NPHP1: variants seen among roughly 807,000 people sequenced by gnomAD.
NPHP1 encodes nephrocystin 1.
Under a neutral mutation model 90.4 loss-of-function variants are expected in NPHP1, and 70 were observed. The observed-to-expected ratio is 0.77, with a 90% CI of 0.64 to 0.95. The LOEUF (loss-of-function observed/expected upper bound fraction) is 0.95. Ranked by LOEUF, NPHP1 falls within the 40% of genes least tolerant of loss-of-function variation. The probability of loss-of-function intolerance (pLI) is 0.00; values close to 1 mark genes in which losing one functional copy is unlikely to be tolerated. For synonymous variants in NPHP1, 256 were observed against 271.7 expected, an observed-to-expected ratio of 0.94 and a Z score of 0.57; for missense variants, 764 against 795.9, an observed-to-expected ratio of 0.96 and a Z score of 0.48.
chr2:110,155,425 A>G (rs1681818271), intron 11 of NPHP1, among the ~76,000 whole-genome samples: 1 of 152,174 alleles, frequency 6.6e-6, no homozygotes, highest in Admixed American at 6.5e-5. Flanking sequence ...GAGGGCCACC[A>G]TCTTCCAGAC....
Position 110,123,526 on chromosome 2 carries a change from C to G in NPHP1, c.*265G>C, listed in dbSNP as rs2104407520. The G allele has an allele frequency of 3.2e-5, 11 of 344,352 alleles. No individual in the cohort carries two copies. The South Asian group carries it at 5.0e-4, about 16-fold the overall frequency. 21.3% of individuals were successfully genotyped at this position (344,352 alleles called of 1,614,324 possible). ...AATCTTGCTTTTATAGAAATCTATA[C>G]CATTAACTTAAGTAGCTGTTTTTGA... On this transcript the variant is annotated 3_prime_UTR_variant, in exon 20 of 20. Coordinates refer to ENST00000445609, the MANE Select transcript of NPHP1 (RefSeq NM_001128178.3).
chr2:110,193,073 C>T lies in NPHP1; in HGVS notation c.143+8348G>A, dbSNP rs1174255556. ...AAACATGCCAGATTGTGAAGACCATCGAGGCTAGGAAGAAACTGCATCAAC... is the reference window on the plus strand; with the variant it reads ...AAACATGCCAGATTGTGAAGACCATTGAGGCTAGGAAGAAACTGCATCAAC... On this transcript the variant is annotated intron_variant, in intron 2 of 19. Transcript: ENST00000445609. Among the ~76,000 whole-genome samples, 8 of 152,266 alleles carry T rather than the reference C, an allele frequency of 5.3e-5. No individual in the cohort carries two copies. In the South Asian group the frequency reaches 8.3e-4, roughly 16 times the overall value.
Position 110,192,715 on chromosome 2 carries a change from G to C in NPHP1, c.143+8706C>G, listed in dbSNP as rs1019133520. Among the ~76,000 whole-genome samples the C allele has an allele frequency of 3.9e-5, 6 of 152,140 alleles. No homozygotes were observed. The South Asian group carries it at 6.2e-4, about 16-fold the overall frequency. On this transcript the variant is annotated intron_variant, in intron 2 of 19. Coordinates refer to ENST00000445609, the MANE Select transcript of NPHP1 (RefSeq NM_001128178.3). ...CAAGACACATAATTGTCAGATTCACGAAAGTTGAAATGAAGGAAAAAATGT... is the reference window on the plus strand; with the variant it reads ...CAAGACACATAATTGTCAGATTCACCAAAGTTGAAATGAAGGAAAAAATGT...
chr2:110,139,024 A>G (rs1018988266), intron 16 of NPHP1, among the ~76,000 whole-genome samples: 10 of 152,110 alleles, frequency 6.6e-5, no homozygotes, highest in African/African-American at 2.4e-4. Context: ...GTAAAAATAT[A>G]CTTCCTCCTG....
rs779382304 is a variant in NPHP1 at position 110,161,628 on chromosome 2, A to C, written c.929T>G (p.Leu310Arg). 1 of 1,611,684 alleles carries C rather than the reference A, an allele frequency of 6.2e-7. No homozygotes were observed. Among genetic ancestry groups the C allele is most frequent in the East Asian group, 2.2e-5 (1 of 44,840 alleles). The change falls in exon 10 of 20, where the codon CTG becomes CGG. Residue 310 changes from leucine to arginine, a missense_variant. Physicochemically the swap from Leu to Arg is moderately radical, Grantham distance 102. Transcript: ENST00000445609. Reference sequence around the variant, plus strand: ...AGTGCCTTCTGTAGCATCCCACATCAGATCTCTGAAGGCCAGTTGTGAAGG... The same window carrying C: ...AGTGCCTTCTGTAGCATCCCACATCCGATCTCTGAAGGCCAGTTGTGAAGG... ...LMPSQLAFRDLMWDATEGTIR... is the reference protein window; with the variant it reads ...LMPSQLAFRDRMWDATEGTIR...
intron 2 of NPHP1, among the ~76,000 whole-genome samples, chr2:110,196,885 T>C (rs1685206055): frequency 1.3e-5 from 2 of 152,146 alleles, no homozygotes; most frequent in South Asian, 2.1e-4. Flanking sequence ...ACCATCATAC[T>C]GAGCAAATTA....
chr2:110,148,015 G>A lies in NPHP1; in HGVS notation c.1170C>T (p.Ile390=). The change falls in exon 13 of 20, where the codon ATC becomes ATT. Residue 390 remains isoleucine, a synonymous_variant. Transcript: ENST00000445609. The stretch of plus-strand genomic sequence containing the variant: ...AATCACCATCAAGCAAACATGGTAA[G>A]ATGCGAGTAACCTGAAATGATAAAG... ...TWTFSPQVTR[I]LPCLLDGDCF... is the part of the protein sequence containing the mutation. The A allele has an allele frequency of 6.3e-7, 1 of 1,595,030 alleles. No individual in the cohort carries two copies. Among genetic ancestry groups the A allele is most frequent in the Non-Finnish European group, 8.6e-7 (1 of 1,162,514 alleles).
chr2:110,181,908 G>A (rs1394824698), intron 2 of NPHP1, among the ~76,000 whole-genome samples: 1 of 152,166 alleles, frequency 6.6e-6, no homozygotes, highest in Non-Finnish European at 1.5e-5. Context: ...CAATACAGGA[G>A]CTGATAGCCA....
At chr2:110,179,501 C>G (rs1206686281) in intron 3 of NPHP1, 123 bp downstream of exon 3, 1 of 603,426 alleles carries the variant, frequency 1.7e-6, no homozygotes, top group Non-Finnish European at 3.1e-6. Context: ...CCAGCACTGG[C>G]TGCAGTTAGA....
In NPHP1 at chr2:110,157,138, G is replaced by A. The variant is rs375177059; in HGVS notation, c.1083+2989C>T. ...AGAAGCACTCTTACATAAACAGCACGAGTATCTGTGCAGCTATTAAATATG... is the reference window on the plus strand; with the variant it reads ...AGAAGCACTCTTACATAAACAGCACAAGTATCTGTGCAGCTATTAAATATG... On this transcript the variant is annotated intron_variant, in intron 11 of 19. Coordinates refer to ENST00000445609, the MANE Select transcript of NPHP1 (RefSeq NM_001128178.3). 2.6e-5 allele frequency among the ~76,000 whole-genome samples: 4 copies of A among 152,236 alleles called. No homozygotes were observed. In the East Asian group the frequency reaches 5.8e-4, roughly 22 times the overall value.
chr2:110,188,150 TG>T (rs774202095), intron 2 of NPHP1, among the ~76,000 whole-genome samples: 53 of 152,146 alleles, frequency 3.5e-4, no homozygotes, highest in Admixed American at 7.9e-4. Context: ...AATGCAGTGT[TG>T]GAAGTTCTGG....
At chr2:110,170,051 C>T in intron 4 of NPHP1, 53 bp from the exon 5 acceptor site, 1 of 1,608,548 alleles carries the variant, frequency 6.2e-7, no homozygotes, top group East Asian at 2.2e-5. Flanking sequence ...CAAGAACAGA[C>T]CAGCTATGAG....
intron 4 of NPHP1, among the ~76,000 whole-genome samples, chr2:110,172,744 A>G (rs540919607): frequency 7.9e-5 from 12 of 152,220 alleles, no homozygotes; most frequent in South Asian, 2.1e-4. Context: ...AGATTGCACC[A>G]CTATACCCAG....
chr2:110,145,947 C>A (rs2104489049), intron 14 of NPHP1, among the ~76,000 whole-genome samples: 1 of 152,288 alleles, frequency 6.6e-6, no homozygotes, highest in East Asian at 1.9e-4. Flanking sequence ...ACATAAGGCG[C>A]ATTATCTAAA....
At chr2:110,146,347 T>G (rs1681046013) in intron 14 of NPHP1, among the ~76,000 whole-genome samples, 1 of 152,104 alleles carries the variant, frequency 6.6e-6, no homozygotes. Context: ...TTTACCGTGG[T>G]TGCCACTGTG....
intron 2 of NPHP1, among the ~76,000 whole-genome samples, chr2:110,192,977 G>A (rs1000242739): frequency 6.6e-6 from 1 of 152,066 alleles, no homozygotes; most frequent in Non-Finnish European, 1.5e-5. Context: ...GTCACCACCA[G>A]GCCTGCCCTA....
Position 110,180,045 on chromosome 2 carries a change from G to T in NPHP1, c.144-361C>A, listed in dbSNP as rs200187798. 2.0e-5 allele frequency among the ~76,000 whole-genome samples: 3 copies of T among 152,284 alleles called. No individual in the cohort carries two copies. The East Asian group carries it at 5.8e-4, about 29-fold the overall frequency. ...CTGATAATAGTACCTAAAGTTTACT[G>T]TGTGCCAACCATGTTAAGCAGTTTA... On this transcript the variant is annotated intron_variant, in intron 2 of 19. Coordinates refer to ENST00000445609, the MANE Select transcript of NPHP1 (RefSeq NM_001128178.3).
At chr2:110,134,621 AAAAAGCTTGTACACCAT>A (rs1440436000) in intron 16 of NPHP1, among the ~76,000 whole-genome samples, 2 of 152,110 alleles carry the variant, frequency 1.3e-5, no homozygotes, top group African/African-American at 2.4e-5. Context: ...ACAGCACATT[AAAAAGCTTGTACACCAT>A]GACCAAGTCA....
intron 11 of NPHP1, among the ~76,000 whole-genome samples, chr2:110,154,378 T>C (rs1218997059): frequency 6.6e-6 from 1 of 152,068 alleles, no homozygotes; most frequent in South Asian, 2.1e-4. Context: ...ACTAATACAG[T>C]AAATTGGGAC....
Sources: gnomAD v4.1 joint callset for allele counts (sites outside exome capture counted in the v4.1 genomes callset) on GRCh38, gnomAD v4.1.1 for gene constraint, MANE v1.5 for transcripts, NCBI Gene and HGNC (gene_info 2026-07-23, HGNC 2026-07-21) for gene names.